Variants in JMY observed in about 807,000 individuals in gnomAD.
JMY encodes junction mediating and regulatory protein, p53 cofactor, also known as junction-mediating and -regulatory protein.
Under a neutral mutation model 103.3 loss-of-function variants are expected in JMY, and 46 were observed. The ratio of observed to expected loss-of-function variants is 0.45; its 90% CI spans 0.35 to 0.57. JMY has a LOEUF of 0.57. Among genes scored for constraint, JMY ranks in the 20% least tolerant of loss-of-function variants. The probability of loss-of-function intolerance (pLI) is 0.00; values close to 1 mark genes in which losing one functional copy is unlikely to be tolerated. For missense variants in JMY, 1,238 were observed against 1,255.2 expected (o/e 0.99, Z 0.21); for synonymous variants, 526 against 489.3 (o/e 1.07, Z -0.99).
intron 1 of JMY, among the ~76,000 whole-genome samples, chr5:79,272,598 A>G (rs1050821373): frequency 3.3e-5 from 5 of 152,080 alleles, no homozygotes; most frequent in Non-Finnish European, 4.4e-5. Context: ...AGTGGTTGCC[A>G]TAGGGATTAA....
chr5:79,307,003 G>T (rs1333198260), intron 7 of JMY, among the ~76,000 whole-genome samples: 1 of 152,180 alleles, frequency 6.6e-6, no homozygotes, highest in Non-Finnish European at 1.5e-5. Flanking sequence ...TAGTTGGAAT[G>T]ATACAGTATG....
intron 1 of JMY, among the ~76,000 whole-genome samples, chr5:79,238,402 CA>C (rs11390364): frequency 3.1e-4 from 46 of 148,704 alleles, no homozygotes; most frequent in African/African-American, 8.6e-4. Context: ...CTTAAAATAA[CA>C]AAAAAAAAGT....
In JMY at chr5:79,237,030, G is replaced by C. The variant is rs1580319311; in HGVS notation, c.380G>C (p.Arg127Pro). 7.3e-6 allele frequency: 11 copies of C among 1,505,662 alleles called. No individual in the cohort carries two copies. In the East Asian group the frequency reaches 2.5e-4, roughly 34 times the overall value. 93.3% of individuals were successfully genotyped at this position (1,505,662 alleles called of 1,614,324 possible). A position where few individuals can be genotyped will look rare whatever the true frequency, so the allele number is the denominator to read the frequency against. Residue 127 changes from arginine to proline, a missense_variant, in exon 1 of 11, where the codon CGG becomes CCG. Arg to Pro is a moderately radical substitution (Grantham distance 103). Transcript: ENST00000396137. ...ACTCGCAGCCTTCTGGGGGACCCGC[G>C]GCTGCGGAGTCCTGGCAGCAAAGGG... ...RSTRSLLGDP[R>P]LRSPGSKGAE...
intron 4 of JMY, among the ~76,000 whole-genome samples, chr5:79,294,084 TTGAAA>T (rs1232733239): frequency 6.6e-6 from 1 of 152,168 alleles, no homozygotes; most frequent in African/African-American, 2.4e-5. Flanking sequence ...TAGTTATTAA[TTGAAA>T]TAGATGATGA....
chr5:79,281,249 T>C (rs1746101301), intron 2 of JMY, among the ~76,000 whole-genome samples: 2 of 151,806 alleles, frequency 1.3e-5, no homozygotes, highest in Non-Finnish European at 2.9e-5. Flanking sequence ...TTTCACTGTG[T>C]TGGCCAGGAT....
rs1205414629 is a variant in JMY, at chr5:79,321,926, T to C, written c.*324T>C. 6.6e-6 allele frequency: 1 copy of C among 152,126 alleles called. No homozygotes were observed. The highest frequency in any genetic ancestry group is 2.4e-5 in the African/African-American group (1 of 41,440). 9.4% of individuals were successfully genotyped at this position (152,126 alleles called of 1,614,324 possible). ...TGGCCAGTTAAGCTAGGGCTTGCTGTAAGTTGGAAGAACACTGGGTTGACA... is the reference window on the plus strand; with the variant it reads ...TGGCCAGTTAAGCTAGGGCTTGCTGCAAGTTGGAAGAACACTGGGTTGACA... On this transcript the variant is annotated 3_prime_UTR_variant, in exon 11 of 11. Coordinates refer to ENST00000396137, the MANE Select transcript of JMY (RefSeq NM_152405.5).
chr5:79,285,127 C>T lies in JMY; in HGVS notation c.1207-4994C>T, dbSNP rs371008304. On this transcript the variant is annotated intron_variant, in intron 2 of 10. Transcript: ENST00000396137. ...TTCCTGAAAGTAAATAAGCTAGAAA[C>T]TGGAAGGCACTTGCATTTCTTTCTG... 1.3e-4 allele frequency among the ~76,000 whole-genome samples: 20 copies of T among 152,228 alleles called. 1 individual carries two copies. The highest frequency in any genetic ancestry group is 5.9e-4 in the Admixed American group (9 of 15,290).
chr5:79,318,004 GAAA>G (rs1238630621), intron 10 of JMY, among the ~76,000 whole-genome samples: 1 of 151,808 alleles, frequency 6.6e-6, no homozygotes, highest in African/African-American at 2.4e-5. Context: ...GAACAACAAA[GAAA>G]AAAAATCTTT....
At chr5:79,289,935 TG>T (rs968240433) in intron 2 of JMY, among the ~76,000 whole-genome samples, 185 bp from the exon 3 acceptor site, 2 of 152,176 alleles carry the variant, frequency 1.3e-5, no homozygotes, top group Admixed American at 1.3e-4. Context: ...AAGGGCAAAA[TG>T]GGGAATAGGT....
At chr5:79,272,888 G>A (rs112930273) in intron 1 of JMY, among the ~76,000 whole-genome samples, 85 of 152,192 alleles carry the variant, frequency 5.6e-4, no homozygotes, top group African/African-American at 2.0e-3. Flanking sequence ...CACCTGCCTC[G>A]GCCTCCCAAA....
intron 2 of JMY, among the ~76,000 whole-genome samples, chr5:79,281,144 G>A (rs750731181): frequency 1.7e-4 from 25 of 151,268 alleles, no homozygotes; most frequent in African/African-American, 2.2e-4. Context: ...TCCCGGGTTC[G>A]TGCCATTCTC....
intron 1 of JMY, among the ~76,000 whole-genome samples, chr5:79,264,344 C>G (rs1256160445): frequency 1.3e-5 from 2 of 151,990 alleles, no homozygotes; most frequent in Non-Finnish European, 2.9e-5. Context: ...ACCTCAGCCT[C>G]CCAGAGGGCT....
Position 79,278,044 on chromosome 5 carries a change from C to A in JMY, c.1167C>A (p.Asp389Glu). 3.7e-6 allele frequency: 6 copies of A among 1,613,632 alleles called. No homozygotes were observed. Among genetic ancestry groups the A allele is most frequent in the Non-Finnish European group, 5.1e-6 (6 of 1,179,794 alleles). ...AGTATTTACTACAGCCATTCCGAGACATGAGAGAACTTGCCATGCTACGAA... is the reference window on the plus strand; with the variant it reads ...AGTATTTACTACAGCCATTCCGAGAAATGAGAGAACTTGCCATGCTACGAA... ...LYQYLLQPFR[D>E]MRELAMLRRQ... Residue 389 changes from aspartate (D) to glutamate (E), a missense_variant, in exon 2 of 11, where the codon GAC becomes GAA. By Grantham distance (45) the Asp-to-Glu change is conservative (BLOSUM62 2). Transcript: ENST00000396137.
intron 6 of JMY, among the ~76,000 whole-genome samples, chr5:79,305,428 G>A (rs1053275722): frequency 1.3e-5 from 2 of 151,952 alleles, no homozygotes; most frequent in African/African-American, 4.8e-5. Flanking sequence ...ACTCCAGCCT[G>A]GGCAACAGTG....
chr5:79,241,718 A>T (rs1157899882), intron 1 of JMY, among the ~76,000 whole-genome samples: 1 of 152,248 alleles, frequency 6.6e-6, no homozygotes. Context: ...AATGTACATT[A>T]TACTTCTTAG....
rs1258096508 is a variant in JMY at position 79,322,354 on chromosome 5, T to C, written c.*752T>C. The C allele has an allele frequency of 6.6e-6, 1 of 152,242 alleles. No individual in the cohort carries two copies. Among genetic ancestry groups the C allele is most frequent in the Non-Finnish European group, 1.5e-5 (1 of 68,048 alleles). 9.4% of individuals were successfully genotyped at this position (152,242 alleles called of 1,614,324 possible). A position where few individuals can be genotyped will look rare whatever the true frequency, so the allele number is the denominator to read the frequency against. Reference sequence around the variant, plus strand: ...TATAATAGTTTGAATTTTATGTGCATCCTTGTTTATGGAAGGCAGTACTTT... The same window carrying C: ...TATAATAGTTTGAATTTTATGTGCACCCTTGTTTATGGAAGGCAGTACTTT... On this transcript the variant is annotated 3_prime_UTR_variant, in exon 11 of 11. Coordinates refer to ENST00000396137, the MANE Select transcript of JMY (RefSeq NM_152405.5).
intron 1 of JMY, among the ~76,000 whole-genome samples, chr5:79,268,111 T>C (rs1297577800): frequency 6.6e-6 from 1 of 152,130 alleles, no homozygotes; most frequent in Non-Finnish European, 1.5e-5. Context: ...GGTGTGGTGG[T>C]GCGCACCTGT....
At chr5:79,256,299 G>A (rs1745240505) in intron 1 of JMY, among the ~76,000 whole-genome samples, 1 of 152,124 alleles carries the variant, frequency 6.6e-6, no homozygotes, top group Non-Finnish European at 1.5e-5. Context: ...TGCCTGGCCT[G>A]GGACTCACCT....
At chr5:79,299,674 T>C (rs1746673688) in intron 4 of JMY, among the ~76,000 whole-genome samples, 2 of 152,140 alleles carry the variant, frequency 1.3e-5, no homozygotes, top group African/African-American at 4.8e-5. Flanking sequence ...CCTCACTCTA[T>C]AGTCAGCAGA....
Sources: allele counts gnomAD v4.1 joint callset (sites outside exome capture counted in the v4.1 genomes callset), GRCh38; gene constraint gnomAD v4.1.1; transcripts MANE v1.5; gene names NCBI Gene and HGNC (gene_info 2026-07-23, HGNC 2026-07-21).